PCLO: variants seen among roughly 807,000 people sequenced by gnomAD.
PCLO encodes the protein protein piccolo.
Under a neutral mutation model 427.5 loss-of-function variants are expected in PCLO, and 82 were observed. The ratio of observed to expected loss-of-function variants is 0.19; its 90% CI spans 0.16 to 0.23. The LOEUF (loss-of-function observed/expected upper bound fraction) is 0.23. PCLO is among the 10% of genes least tolerant of loss of function. The pLI, the probability that PCLO is intolerant of heterozygous loss-of-function variation, is 1.00. For synonymous variants in PCLO, 2,357 were observed against 2,155.4 expected (o/e 1.09, Z -2.59); for missense variants, 6,239 against 6,115.9 (o/e 1.02, Z -0.67).
At chr7:83,096,517 G>C (rs993641639) in intron 3 of PCLO, among the ~76,000 whole-genome samples, 1 of 151,478 alleles carries the variant, frequency 6.6e-6, no homozygotes, top group Non-Finnish European at 1.5e-5. Flanking sequence ...TTTAAACCAT[G>C]TGAAGGACTT....
At chr7:83,024,491 T>G (rs1583920783) in intron 3 of PCLO, among the ~76,000 whole-genome samples, 1 of 152,104 alleles carries the variant, frequency 6.6e-6, no homozygotes, top group African/African-American at 2.4e-5. Flanking sequence ...AGCACGGCAG[T>G]CTGAGATCAG....
chr7:83,078,533 C>CTAT lies in PCLO; in HGVS notation c.3300+55714_3300+55716dup, dbSNP rs958752701. Among the ~76,000 whole-genome samples, 15 of 83,934 alleles carry CTAT rather than the reference C, an allele frequency of 1.8e-4. 1 individual carries two copies. In the South Asian group the frequency reaches 4.6e-3, roughly 26 times the overall value. The allele number at this position is 83,934 out of a possible 152,430, so 55.1% of individuals were successfully genotyped here. The stretch of plus-strand genomic sequence containing the variant: ...TATGTTGCTAGCATTATTATTATTA[C>CTAT]TATTATTATTATTATTGAGACGGAG... On this transcript the variant is annotated intron_variant, in intron 3 of 24. Coordinates refer to ENST00000333891, the MANE Select transcript of PCLO (RefSeq NM_033026.6).
At chr7:82,949,269 ACACACAAGCG>A (rs1001031740) in intron 6 of PCLO, among the ~76,000 whole-genome samples, 197 bp downstream of exon 6, 1 of 151,828 alleles carries the variant, frequency 6.6e-6, no homozygotes, top group African/African-American at 2.4e-5. Flanking sequence ...ACACACACAC[ACACACAAGCG>A]CACACACACA....
At chr7:82,890,998 T>A (rs963076822) in intron 9 of PCLO, among the ~76,000 whole-genome samples, 1 of 152,108 alleles carries the variant, frequency 6.6e-6, no homozygotes, top group African/African-American at 2.4e-5. Flanking sequence ...TTTGGTTGCC[T>A]AGTGGGACTA....
chr7:82,891,647 A>T (rs1051126315), intron 9 of PCLO, among the ~76,000 whole-genome samples: 1 of 151,976 alleles, frequency 6.6e-6, no homozygotes, highest in South Asian at 2.1e-4. Context: ...GTTTTTGCCC[A>T]TTCAGTATGA....
intron 3 of PCLO, among the ~76,000 whole-genome samples, chr7:83,093,586 G>A (rs1182604225): frequency 2.8e-5 from 4 of 144,630 alleles, no homozygotes; most frequent in African/African-American, 5.1e-5. Flanking sequence ...TCCGCCTCCC[G>A]GGTTCATGCC....
chr7:83,111,059 C>T (rs188927851), intron 3 of PCLO, among the ~76,000 whole-genome samples: 3 of 152,290 alleles, frequency 2.0e-5, no homozygotes, highest in African/African-American at 7.2e-5. Context: ...ACTCACTCTC[C>T]TCCCTTCCAT....
intron 3 of PCLO, among the ~76,000 whole-genome samples, chr7:82,982,033 T>G: frequency 6.6e-6 from 1 of 152,278 alleles, no homozygotes; most frequent in Middle Eastern, 3.4e-3. Context: ...GTGTGCTCTG[T>G]ATGTTAATGC....
chr7:82,846,271 A>G (rs980704800), intron 12 of PCLO, among the ~76,000 whole-genome samples: 1 of 152,162 alleles, frequency 6.6e-6, no homozygotes, highest in Non-Finnish European at 1.5e-5. Flanking sequence ...CTTTCACAGG[A>G]TGAATTCATA....
At position 82,982,033 on chromosome 7, in the gene PCLO, T is replaced by C. The variant is rs186112984; in HGVS notation, c.3301-15546A>G. Among the ~76,000 whole-genome samples, 115 of 152,278 alleles carry C rather than the reference T, an allele frequency of 7.6e-4. 1 individual carries two copies. The highest frequency in any genetic ancestry group is 3.4e-3 in the Middle Eastern group (1 of 294). ...CCATGAGAATGTCCTGTGTGCTCTG[T>C]ATGTTAATGCATATGTAGAAACTAC... On this transcript the variant is annotated intron_variant, in intron 3 of 24. Transcript: ENST00000333891.
chr7:82,913,842 A>G (rs1384447505), intron 7 of PCLO, among the ~76,000 whole-genome samples: 1 of 151,992 alleles, frequency 6.6e-6, no homozygotes. Context: ...TAGCAAGTCA[A>G]TTTAGGGCAA....
chr7:83,105,900 CTT>C (rs1394224819), intron 3 of PCLO, among the ~76,000 whole-genome samples: 1 of 151,922 alleles, frequency 6.6e-6, no homozygotes, highest in East Asian at 1.9e-4. Context: ...AGGTTCCTTG[CTT>C]GTAAGTAACA....
At chr7:83,021,163 C>A (rs1448962758) in intron 3 of PCLO, among the ~76,000 whole-genome samples, 1 of 152,020 alleles carries the variant, frequency 6.6e-6, no homozygotes, top group Non-Finnish European at 1.5e-5. Context: ...CCCCTCACAC[C>A]CTATAATCAT....
At chr7:82,940,193 T>C (rs1343097625) in intron 6 of PCLO, among the ~76,000 whole-genome samples, 2 of 152,158 alleles carry the variant, frequency 1.3e-5, no homozygotes, top group African/African-American at 4.8e-5. Flanking sequence ...AGTGAGCATT[T>C]ATAGGCTCGA....
intron 3 of PCLO, among the ~76,000 whole-genome samples, chr7:83,081,946 T>A (rs968360561): frequency 6.6e-6 from 1 of 151,758 alleles, no homozygotes; most frequent in Non-Finnish European, 1.5e-5. Flanking sequence ...ACAAAATGAC[T>A]GTCAAAATTA....
intron 3 of PCLO, among the ~76,000 whole-genome samples, chr7:83,092,425 C>T (rs928504806): frequency 5.3e-5 from 8 of 152,092 alleles, no homozygotes; most frequent in Admixed American, 2.0e-4. Context: ...TAAGGACAAA[C>T]AGAAGCCCAG....
chr7:83,118,417 TATA>T (rs917306034), intron 3 of PCLO, among the ~76,000 whole-genome samples: 1 of 152,050 alleles, frequency 6.6e-6, no homozygotes, highest in Admixed American at 6.6e-5. Flanking sequence ...CTGATTTTAA[TATA>T]ATATTAAGGA....
At position 82,949,923 on chromosome 7, in the gene PCLO, T is replaced by A; in HGVS notation, c.10665A>T (p.Ala3555=). ...AKVEIIKHIS[A]PEKTYKGGSL... is the part of the protein sequence containing the mutation. ...TGCCCCCTTTGTAAGTCTTTTCAGG[T>A]GCTGAAATGTGTTTAATTATTTCTA... Residue 3555 remains alanine (A), a synonymous_variant, in exon 6 of 25, where the codon GCA becomes GCT. Transcript: ENST00000333891. 1 of 1,613,724 alleles carries A rather than the reference T, an allele frequency of 6.2e-7. No homozygotes were observed. Among genetic ancestry groups the A allele is most frequent in the Non-Finnish European group, 8.5e-7 (1 of 1,179,828 alleles).
At chr7:83,104,213 AT>A (rs1790800462) in intron 3 of PCLO, among the ~76,000 whole-genome samples, 1 of 152,024 alleles carries the variant, frequency 6.6e-6, no homozygotes, top group Admixed American at 6.6e-5. Flanking sequence ...TTAAATTTGT[AT>A]ATGCACCATA....
Sources: allele counts gnomAD v4.1 joint callset (sites outside exome capture counted in the v4.1 genomes callset), GRCh38; gene constraint gnomAD v4.1.1; transcripts MANE v1.5; gene names NCBI Gene and HGNC (gene_info 2026-07-23, HGNC 2026-07-21).